SERPINA3: variants seen among roughly 807,000 people sequenced by gnomAD.
The protein encoded by SERPINA3 is serpin family A member 3, also known as alpha-1-antichymotrypsin.
SERPINA3 carries 32 observed loss-of-function variants against 26.8 expected under a neutral mutation model. The observed-to-expected ratio is 1.20, with a 90% CI of 0.90 to 1.61. The LOEUF is 1.61. Ranked by LOEUF, SERPINA3 falls within the 40% of genes most tolerant of loss-of-function variation. The probability of loss-of-function intolerance (pLI) is 0.00; values close to 1 mark genes in which losing one functional copy is unlikely to be tolerated. For synonymous variants in SERPINA3, 252 were observed against 206.4 expected (o/e 1.22, Z -1.89); for missense variants, 632 against 517.9 (o/e 1.22, Z -2.14).
chr14:94,622,421 T>C lies in SERPINA3; in HGVS notation c.998T>C (p.Ile333Thr), dbSNP rs371483383. 6 of 1,614,004 alleles carry C rather than the reference T, an allele frequency of 3.7e-6. No homozygotes were observed. The highest frequency in any genetic ancestry group is 5.1e-6 in the Non-Finnish European group (6 of 1,179,998). The change falls in exon 4 of 5, where the codon ATT becomes ACT. Residue 333 changes from isoleucine (I) to threonine (T), a missense_variant. Physicochemically the swap from Ile to Thr is moderately conservative, Grantham distance 89. Coordinates refer to ENST00000393078, the MANE Select transcript of SERPINA3 (RefSeq NM_001085.5). ...NLNDILLQLG[I>T]EEAFTSKADL... ...AACGACATACTTCTCCAGCTGGGCATTGAGGAAGCCTTCACCAGCAAGGCT... is the reference window on the plus strand; with the variant it reads ...AACGACATACTTCTCCAGCTGGGCACTGAGGAAGCCTTCACCAGCAAGGCT...
intron 1 of SERPINA3, among the ~76,000 whole-genome samples, chr14:94,612,794 C>A (rs930808772): frequency 1.3e-5 from 2 of 152,174 alleles, no homozygotes; most frequent in African/African-American, 4.8e-5. Flanking sequence ...GTGCAGCTCT[C>A]AGAACATGTG....
At chr14:94,618,680 C>T (rs1886086183) in intron 2 of SERPINA3, 1 of 204,714 alleles carries the variant, frequency 4.9e-6, no homozygotes, top group Non-Finnish European at 1.0e-5. Flanking sequence ...CTCATTCACA[C>T]TGATTGGCAT....
rs764923559 is a variant in SERPINA3 at position 94,614,499 on chromosome 14, G to C, written c.58G>C (p.Ala20Pro). 6.2e-6 allele frequency: 10 copies of C among 1,613,900 alleles called. No homozygotes were observed. Among genetic ancestry groups the C allele is most frequent in the Admixed American group, 5.0e-5 (3 of 60,000 alleles). ...LGLLAAGFCPAVLCHPNSPLD... is the reference protein window; with the variant it reads ...LGLLAAGFCPPVLCHPNSPLD... ...GCTCTTGGCGGCTGGGTTCTGCCCT[G>C]CTGTCCTCTGCCACCCTAACAGCCC... The change falls in exon 2 of 5, where the codon GCT becomes CCT. Residue 20 changes from alanine (A) to proline (P), a missense_variant. Physicochemically the swap from Ala to Pro is conservative, Grantham distance 27 (BLOSUM62 -1). Coordinates refer to ENST00000393078, the MANE Select transcript of SERPINA3 (RefSeq NM_001085.5).
At chr14:94,617,383 G>A (rs1344193283) in intron 2 of SERPINA3, among the ~76,000 whole-genome samples, 1 of 152,160 alleles carries the variant, frequency 6.6e-6, no homozygotes, top group African/African-American at 2.4e-5. Context: ...CAAAGGTGGG[G>A]AAGTGTCAAG....
At chr14:94,620,910 T>C (rs540442134) in intron 3 of SERPINA3, among the ~76,000 whole-genome samples, 5 of 152,270 alleles carry the variant, frequency 3.3e-5, no homozygotes, top group Admixed American at 3.3e-4. Context: ...GTGGCTGGTG[T>C]GACCTGGAGC....
At chr14:94,616,425 G>A (rs1481292222) in intron 2 of SERPINA3, among the ~76,000 whole-genome samples, 2 of 152,198 alleles carry the variant, frequency 1.3e-5, no homozygotes, top group Non-Finnish European at 2.9e-5. Context: ...TACATACAGT[G>A]TATGTGACGG....
At chr14:94,623,338 A>T (rs542082472) in intron 4 of SERPINA3, among the ~76,000 whole-genome samples, 144 of 152,300 alleles carry the variant, frequency 9.5e-4, no homozygotes, top group Middle Eastern at 3.4e-3. Flanking sequence ...CTCAACTCAG[A>T]CACAAAGGGA....
chr14:94,621,530 G>T lies in SERPINA3; in HGVS notation c.918-811G>T, dbSNP rs114131264. Among the ~76,000 whole-genome samples the T allele has an allele frequency of 4.2e-3, 632 of 152,274 alleles. 4 individuals carry two copies. The highest frequency in any genetic ancestry group is 0.015 in the African/African-American group (605 of 41,546). On this transcript the variant is annotated intron_variant, in intron 3 of 4. Transcript: ENST00000393078. The stretch of plus-strand genomic sequence containing the variant: ...TGTAAGACCAGGCAGACAGTGACAG[G>T]CATCTTAAGAGGGCTATAAACTAAG...
chr14:94,619,840 T>G (rs1566847785), intron 3 of SERPINA3: 1 of 339,818 alleles, frequency 2.9e-6, no homozygotes, highest in Non-Finnish European at 5.5e-6. Context: ...GAATCAGTTC[T>G]GCACTGGTGA....
At chr14:94,619,714 T>A (rs1016793175) in intron 3 of SERPINA3, 2 of 563,996 alleles carry the variant, frequency 3.5e-6, no homozygotes, top group Non-Finnish European at 6.4e-6. Context: ...TCATGAGAAA[T>A]CTTCTGCACA....
In SERPINA3 at chr14:94,614,515, C is replaced by T; in HGVS notation, c.74C>T (p.Pro25Leu). The T allele has an allele frequency of 1.9e-6, 3 of 1,613,958 alleles. No individual in the cohort carries two copies. The highest frequency in any genetic ancestry group is 1.3e-5 in the African/African-American group (1 of 75,040). ...AGFCPAVLCH[P>L]NSPLDEENLT... ...TTCTGCCCTGCTGTCCTCTGCCACC[C>T]TAACAGCCCACTTGACGAGGAGAAT... The change falls in exon 2 of 5, where the codon CCT becomes CTT. Residue 25 changes from proline (P) to leucine (L), a missense_variant. Pro to Leu is a moderately conservative substitution (Grantham distance 98). Coordinates refer to ENST00000393078, the MANE Select transcript of SERPINA3 (RefSeq NM_001085.5).
chr14:94,618,813 A>C (rs570072937), intron 2 of SERPINA3: 36 of 359,614 alleles, frequency 1.0e-4, no homozygotes, highest in Middle Eastern at 9.2e-4. Context: ...GTGAGTAATA[A>C]TTGCTAATGA....
Position 94,623,897 on chromosome 14 carries a change from C to A in SERPINA3, c.*83C>A. 8.2e-7 allele frequency: 1 copy of A among 1,225,326 alleles called. No homozygotes were observed. Among genetic ancestry groups the A allele is most frequent in the Admixed American group, 1.7e-5 (1 of 59,380 alleles). The allele number at this position is 1,225,326 out of a possible 1,614,324, so 75.9% of individuals were successfully genotyped here. ...CTGGGTCTCTGGGCACAGCCTGGCC[C>A]CTGTGCACCGAGTGGCCATGGCATG... On this transcript the variant is annotated 3_prime_UTR_variant, in exon 5 of 5. Coordinates refer to ENST00000393078, the MANE Select transcript of SERPINA3 (RefSeq NM_001085.5).
At position 94,615,056 on chromosome 14, in the gene SERPINA3, G is replaced by A; in HGVS notation, c.615G>A (p.Met205Ile). Residue 205 changes from methionine (M) to isoleucine (I), a missense_variant, in exon 2 of 5, where the codon ATG becomes ATA. Physicochemically the swap from Met to Ile is conservative, Grantham distance 10. Coordinates refer to ENST00000393078, the MANE Select transcript of SERPINA3 (RefSeq NM_001085.5). ...AGGACCTTGACTCGCAGACAATGAT[G>A]GTCCTGGTGAATTACATCTTCTTTA... ...LIKDLDSQTM[M>I]VLVNYIFFKA... 1 of 1,614,108 alleles carries A rather than the reference G, an allele frequency of 6.2e-7. No homozygotes were observed. The highest frequency in any genetic ancestry group is 2.2e-5 in the East Asian group (1 of 44,882).
chr14:94,617,838 G>C (rs2139958673), intron 2 of SERPINA3: 1 of 152,260 alleles, frequency 6.6e-6, no homozygotes, highest in Admixed American at 6.5e-5. Flanking sequence ...ATGTATTTTA[G>C]GCTGTGTGGT....
At chr14:94,619,492 A>ACCCCACAT (rs1555386336) in intron 3 of SERPINA3, 24 bp downstream of exon 3, 5 of 1,613,416 alleles carry the variant, frequency 3.1e-6, no homozygotes, top group Non-Finnish European at 4.2e-6. Context: ...GCCCCCAAAG[A>ACCCCACAT]CCCCACATCT....
chr14:94,620,744 G>A (rs1482769055), intron 3 of SERPINA3, among the ~76,000 whole-genome samples: 1 of 152,168 alleles, frequency 6.6e-6, no homozygotes, highest in Non-Finnish European at 1.5e-5. Context: ...AGAGGAACTT[G>A]CTGGGACACA....
chr14:94,619,106 A>C lies in SERPINA3; in HGVS notation c.644-89A>C. On this transcript the variant is annotated intron_variant, in intron 2 of 4. Coordinates refer to ENST00000393078, the MANE Select transcript of SERPINA3 (RefSeq NM_001085.5). ...CAAAGCAGGGTCCCTCCTATGAGGGACTCTGGGCACTTCCACTGCTGCGGA... is the reference window on the plus strand; with the variant it reads ...CAAAGCAGGGTCCCTCCTATGAGGGCCTCTGGGCACTTCCACTGCTGCGGA... The C allele has an allele frequency of 2.7e-6, 4 of 1,474,208 alleles. No individual in the cohort carries two copies. In the South Asian group the frequency reaches 3.4e-5, roughly 13 times the overall value. 91.3% of individuals were successfully genotyped at this position (1,474,208 alleles called of 1,614,324 possible). A position where few individuals can be genotyped will look rare whatever the true frequency, so the allele number is the denominator to read the frequency against.
At position 94,614,770 on chromosome 14, in the gene SERPINA3, C is replaced by T. The variant is rs752910199; in HGVS notation, c.329C>T (p.Thr110Ile). 10 of 1,614,222 alleles carry T rather than the reference C, an allele frequency of 6.2e-6. No homozygotes were observed. The highest frequency in any genetic ancestry group is 8.5e-6 in the Non-Finnish European group (10 of 1,180,032). The change falls in exon 2 of 5, where the codon ACT becomes ATT. Residue 110 changes from threonine (T) to isoleucine (I), a missense_variant. Transcript: ENST00000393078. ...LKGLKFNLTE[T>I]SEAEIHQSFQ... ...GGCCTCAAGTTCAACCTCACGGAGA[C>T]TTCTGAGGCAGAAATTCACCAGAGC...
Sources: allele counts gnomAD v4.1 joint callset (sites outside exome capture counted in the v4.1 genomes callset), GRCh38; gene constraint gnomAD v4.1.1; transcripts MANE v1.5; gene names NCBI Gene and HGNC (gene_info 2026-07-23, HGNC 2026-07-21).